Variants in TNS3 observed in about 807,000 individuals in gnomAD.
TNS3 encodes tensin-3.
In TNS3, 45 loss-of-function variants were observed where a neutral mutation model predicts 140.9. The observed-to-expected ratio is 0.32, with a 90% CI of 0.25 to 0.41. TNS3 has a LOEUF of 0.41. Among genes scored for constraint, TNS3 ranks in the 10% least tolerant of loss-of-function variants. TNS3 has a pLI of 1.00. For missense variants in TNS3, 1,716 were observed against 1,906.7 expected (o/e 0.90, Z 1.86); for synonymous variants, 815 against 788.4 (o/e 1.03, Z -0.56).
At chr7:47,435,541 A>C in intron 7 of TNS3, 137 bp from the exon 8 acceptor site, 1 of 1,231,154 alleles carries the variant, frequency 8.1e-7, no homozygotes, top group South Asian at 1.3e-5. Context: ...CCTAAAACTC[A>C]GTGAGCATGA....
intron 17 of TNS3, among the ~76,000 whole-genome samples, chr7:47,365,242 C>T (rs920278781): frequency 6.6e-6 from 1 of 151,750 alleles, no homozygotes; most frequent in African/African-American, 2.4e-5. Context: ...GTCGGGAGTT[C>T]AAGACCACCT....
At chr7:47,538,025 G>A (rs996448186) in intron 1 of TNS3, among the ~76,000 whole-genome samples, 1 of 127,598 alleles carries the variant, frequency 7.8e-6, no homozygotes, top group South Asian at 2.7e-4. Flanking sequence ...CAGCACATCT[G>A]AAGTCCCGTC....
chr7:47,431,358 G>A (rs999753877), intron 8 of TNS3, among the ~76,000 whole-genome samples: 1 of 152,172 alleles, frequency 6.6e-6, no homozygotes, highest in Non-Finnish European at 1.5e-5. Flanking sequence ...GCTTTGGGAG[G>A]CCGAGGTGGG....
At position 47,551,874 on chromosome 7, in the gene TNS3, C is replaced by T. The variant is rs564721731; in HGVS notation, c.-264-22727G>A. ...CTGAAATAACAGGGAATGACGTCTG[C>T]TAAGGCACAGCTGGAGCGGGGCAGG... On this transcript the variant is annotated intron_variant, in intron 1 of 30. Coordinates refer to ENST00000311160, the MANE Select transcript of TNS3 (RefSeq NM_022748.12). Among the ~76,000 whole-genome samples, 577 of 152,256 alleles carry T rather than the reference C, an allele frequency of 3.8e-3. 8 individuals are homozygous for T. The highest frequency in any genetic ancestry group is 6.7e-3 in the Non-Finnish European group (455 of 68,034).
chr7:47,513,912 C>A (rs1266569701), intron 2 of TNS3, among the ~76,000 whole-genome samples: 1 of 152,230 alleles, frequency 6.6e-6, no homozygotes, highest in Non-Finnish European at 1.5e-5. Flanking sequence ...CTGGCTCCCG[C>A]TGCAGCAGTT....
At chr7:47,300,592 G>C (rs1200426496) in intron 23 of TNS3, among the ~76,000 whole-genome samples, 2 of 152,256 alleles carry the variant, frequency 1.3e-5, no homozygotes, top group Admixed American at 6.5e-5. Context: ...GTCTGTTTCA[G>C]ATCCCCCCTG....
rs774497061 is a variant in TNS3 at position 47,415,176 on chromosome 7, G to T, written c.504C>A (p.Ser168=). Residue 168 remains serine, a synonymous_variant, in exon 11 of 31, where the codon TCC becomes TCA. Transcript: ENST00000311160. ...GAGAGGCATTCATTTTCACCGATCCGGACAGGAGCCCACTGAGGAACTGAA... is the reference window on the plus strand; with the variant it reads ...GAGAGGCATTCATTTTCACCGATCCTGACAGGAGCCCACTGAGGAACTGAA... The part of the protein sequence containing the change: ...RYVQFLSGLL[S]GSVKMNASPL... 1 of 1,609,720 alleles carries T rather than the reference G, an allele frequency of 6.2e-7. No individual in the cohort carries two copies. Among genetic ancestry groups the T allele is most frequent in the Non-Finnish European group, 8.5e-7 (1 of 1,178,398 alleles).
chr7:47,425,217 T>A (rs1443440567), intron 9 of TNS3, among the ~76,000 whole-genome samples: 1 of 152,088 alleles, frequency 6.6e-6, no homozygotes, highest in Non-Finnish European at 1.5e-5. Context: ...CTTGGGAGGC[T>A]GAGGTGGGAG....
intron 2 of TNS3, among the ~76,000 whole-genome samples, chr7:47,522,671 G>A (rs1483382232): frequency 6.6e-6 from 1 of 152,242 alleles, no homozygotes; most frequent in African/African-American, 2.4e-5. Context: ...GCTCACGCCT[G>A]TAATCCCAGC....
chr7:47,542,653 C>T (rs112861341), intron 1 of TNS3, among the ~76,000 whole-genome samples: 124 of 152,230 alleles, frequency 8.1e-4, no homozygotes, highest in South Asian at 1.7e-3. Flanking sequence ...ACTTTACGGC[C>T]GAGCACGGTG....
intron 12 of TNS3, among the ~76,000 whole-genome samples, chr7:47,413,378 G>A (rs146019578): frequency 0.025 from 3,774 of 149,968 alleles, 83 homozygotes; most frequent in South Asian, 0.077. Context: ...TCCACCTCGA[G>A]TGGCTGGGTT....
intron 4 of TNS3, among the ~76,000 whole-genome samples, chr7:47,466,942 T>G (rs535820306): frequency 6.6e-6 from 1 of 152,338 alleles, no homozygotes; most frequent in Admixed American, 6.5e-5. Flanking sequence ...CAAATCAGAA[T>G]GAGTTGGTTC....
chr7:47,362,042 A>G (rs551305806), intron 17 of TNS3, among the ~76,000 whole-genome samples: 4 of 152,304 alleles, frequency 2.6e-5, no homozygotes, highest in Admixed American at 2.6e-4. Context: ...GGTATGATAC[A>G]AAAAACCCAC....
At chr7:47,502,164 T>C (rs1798250384) in intron 3 of TNS3, among the ~76,000 whole-genome samples, 1 of 152,034 alleles carries the variant, frequency 6.6e-6, no homozygotes, top group African/African-American at 2.4e-5. Flanking sequence ...TAGGTGACAA[T>C]AGGTAAGTTG....
In TNS3 at chr7:47,474,953, A is replaced by G. The variant is rs377036159; in HGVS notation, c.-76+6150T>C. Among the ~76,000 whole-genome samples, 307 of 149,838 alleles carry G rather than the reference A, an allele frequency of 2.0e-3. 2 individuals are homozygous for G. The highest frequency in any genetic ancestry group is 6.9e-3 in the African/African-American group (281 of 40,620). On this transcript the variant is annotated intron_variant, in intron 4 of 30. Transcript: ENST00000311160. Reference sequence around the variant, plus strand: ...GGTAACACCTCACACAATACAACACATGCAACACACACAAAACACTACACA... The same window carrying G: ...GGTAACACCTCACACAATACAACACGTGCAACACACACAAAACACTACACA...
intron 4 of TNS3, among the ~76,000 whole-genome samples, chr7:47,442,649 A>G (rs1424224610): frequency 6.6e-6 from 1 of 152,204 alleles, no homozygotes; most frequent in African/African-American, 2.4e-5. Context: ...TTCAGAAGTG[A>G]GGAAATTGGG....
intron 2 of TNS3, among the ~76,000 whole-genome samples, chr7:47,518,687 G>A (rs1373921794): frequency 1.3e-5 from 2 of 152,114 alleles, no homozygotes; most frequent in Admixed American, 6.6e-5. Context: ...AAATAAATAA[G>A]TAAATAAATA....
chr7:47,378,022 C>T (rs1562658278), intron 16 of TNS3, among the ~76,000 whole-genome samples: 1 of 152,156 alleles, frequency 6.6e-6, no homozygotes, highest in Non-Finnish European at 1.5e-5. Flanking sequence ...TGTGTGACTT[C>T]AGATGAATCA....
At chr7:47,321,459 T>G (rs752737353) in intron 20 of TNS3, among the ~76,000 whole-genome samples, 1 of 152,208 alleles carries the variant, frequency 6.6e-6, no homozygotes, top group African/African-American at 2.4e-5. Flanking sequence ...CCACCAGCAC[T>G]ACTGAAATGC....
Sources: allele counts gnomAD v4.1 joint callset (sites outside exome capture counted in the v4.1 genomes callset), GRCh38; gene constraint gnomAD v4.1.1; transcripts MANE v1.5; gene names NCBI Gene and HGNC (gene_info 2026-07-23, HGNC 2026-07-21).